ASIC2: variants seen among roughly 807,000 people sequenced by gnomAD.
The protein encoded by ASIC2 is acid sensing ion channel subunit 2.
In ASIC2, 25 loss-of-function variants were observed where a neutral mutation model predicts 57.3. The ratio of observed to expected loss-of-function variants is 0.44; its 90% CI spans 0.32 to 0.61. The LOEUF (loss-of-function observed/expected upper bound fraction) is 0.61. ASIC2 is among the 20% of genes least tolerant of loss of function. The pLI, the probability that ASIC2 is intolerant of heterozygous loss-of-function variation, is 0.06. For synonymous variants in ASIC2, 319 were observed against 307.5 expected, an observed-to-expected ratio of 1.04 and a Z score of -0.39; for missense variants, 641 against 738.1, an observed-to-expected ratio of 0.87 and a Z score of 1.52.
At chr17:33,230,482 C>A (rs1044802240) in intron 1 of ASIC2, among the ~76,000 whole-genome samples, 2 of 152,216 alleles carry the variant, frequency 1.3e-5, no homozygotes, top group African/African-American at 4.8e-5. Context: ...GCTGCAGAAC[C>A]AGAGGCAAGT....
At chr17:33,167,502 G>A (rs754739998) in intron 1 of ASIC2, among the ~76,000 whole-genome samples, 7 of 151,590 alleles carry the variant, frequency 4.6e-5, no homozygotes, top group Admixed American at 2.0e-4. Flanking sequence ...CCCCCCACCC[G>A]GTTCCCTTCT....
chr17:33,873,675 AG>A (rs1398887047), intron 1 of ASIC2, among the ~76,000 whole-genome samples: 1 of 152,228 alleles, frequency 6.6e-6, no homozygotes, highest in Non-Finnish European at 1.5e-5. Context: ...CATGTACAAA[AG>A]CACCCAATGC....
chr17:33,176,977 A>G (rs17248602), intron 1 of ASIC2, among the ~76,000 whole-genome samples: 2,817 of 152,304 alleles, frequency 0.018, 79 homozygotes, highest in East Asian at 0.11. Context: ...TGACCTGGTC[A>G]ATGCTGAATT....
chr17:33,840,163 C>T (rs1040623209), intron 1 of ASIC2, among the ~76,000 whole-genome samples: 2 of 152,118 alleles, frequency 1.3e-5, no homozygotes, highest in African/African-American at 4.8e-5. Context: ...CTCAGTTGGA[C>T]ACTAGAAATA....
chr17:33,043,920 A>C (rs1478768336), intron 3 of ASIC2, among the ~76,000 whole-genome samples: 1 of 152,224 alleles, frequency 6.6e-6, no homozygotes, highest in Non-Finnish European at 1.5e-5. Context: ...TTTGATGAGC[A>C]ACAAAAATCA....
chr17:33,521,474 G>A (rs1448712103), intron 1 of ASIC2, among the ~76,000 whole-genome samples: 2 of 152,122 alleles, frequency 1.3e-5, no homozygotes, highest in African/African-American at 2.4e-5. Context: ...TGCGGCCAAC[G>A]CCCCCGAAGT....
chr17:34,078,581 A>C (rs1325016969), intron 1 of ASIC2, among the ~76,000 whole-genome samples: 1 of 152,094 alleles, frequency 6.6e-6, no homozygotes, highest in Non-Finnish European at 1.5e-5. Flanking sequence ...CTGGGAGACA[A>C]TCTAGAAGCA....
chr17:33,474,045 A>G (rs1913138357), intron 1 of ASIC2, among the ~76,000 whole-genome samples: 1 of 152,224 alleles, frequency 6.6e-6, no homozygotes, highest in African/African-American at 2.4e-5. Flanking sequence ...GGAGGACAGG[A>G]CTTTGAGTCA....
At chr17:34,083,972 T>A (rs1040383390) in intron 1 of ASIC2, among the ~76,000 whole-genome samples, 8 of 152,214 alleles carry the variant, frequency 5.3e-5, no homozygotes, top group Admixed American at 2.6e-4. Context: ...TTCTGTAGGT[T>A]GCCTGTTCAC....
chr17:33,538,846 A>C (rs538027769), intron 1 of ASIC2, among the ~76,000 whole-genome samples: 1 of 152,328 alleles, frequency 6.6e-6, no homozygotes, highest in Middle Eastern at 3.4e-3. Context: ...TAGATTTAGA[A>C]ATAGAACAGT....
intron 1 of ASIC2, among the ~76,000 whole-genome samples, chr17:34,131,985 A>G (rs945523084): frequency 3.3e-5 from 5 of 152,122 alleles, no homozygotes; most frequent in Non-Finnish European, 5.9e-5. Flanking sequence ...TTTTGTGACA[A>G]TTGTAGGTGC....
intron 1 of ASIC2, among the ~76,000 whole-genome samples, chr17:34,065,149 G>A (rs1276438683): frequency 2.0e-5 from 3 of 152,138 alleles, no homozygotes; most frequent in Non-Finnish European, 2.9e-5. Flanking sequence ...AACAAAGACT[G>A]GATAAAGAAA....
intron 1 of ASIC2, among the ~76,000 whole-genome samples, chr17:34,016,850 T>G (rs1282060269): frequency 1.3e-5 from 2 of 152,214 alleles, no homozygotes; most frequent in African/African-American, 4.8e-5. Flanking sequence ...TCAACAACAA[T>G]TGTAAGTGCT....
intron 1 of ASIC2, among the ~76,000 whole-genome samples, chr17:33,189,651 C>G (rs1316659559): frequency 1.3e-5 from 2 of 152,058 alleles, no homozygotes; most frequent in Non-Finnish European, 2.9e-5. Context: ...TTGTTAATAT[C>G]AGACGAAGTA....
intron 1 of ASIC2, among the ~76,000 whole-genome samples, chr17:33,486,286 G>A (rs1276505307): frequency 6.6e-6 from 1 of 152,190 alleles, no homozygotes; most frequent in East Asian, 1.9e-4. Context: ...CCTATTTTAT[G>A]TATAGATGCC....
intron 1 of ASIC2, among the ~76,000 whole-genome samples, chr17:33,433,203 T>A (rs983364279): frequency 1.3e-5 from 2 of 152,106 alleles, no homozygotes; most frequent in African/African-American, 4.8e-5. Context: ...ATATATACCA[T>A]GGAATATTAT....
At chr17:34,042,373 A>G (rs2142046850) in intron 1 of ASIC2, among the ~76,000 whole-genome samples, 1 of 152,328 alleles carries the variant, frequency 6.6e-6, no homozygotes, top group South Asian at 2.1e-4. Flanking sequence ...CTCAACAATA[A>G]AAAAGAACAA....
intron 1 of ASIC2, among the ~76,000 whole-genome samples, chr17:33,660,483 T>G (rs986919428): frequency 6.6e-6 from 1 of 152,218 alleles, no homozygotes; most frequent in Non-Finnish European, 1.5e-5. Context: ...TTTTACTTTT[T>G]AAGGATTTTT....
chr17:33,032,048 T>C (rs1162657244), intron 3 of ASIC2, among the ~76,000 whole-genome samples: 1 of 152,234 alleles, frequency 6.6e-6, no homozygotes, highest in East Asian at 1.9e-4. Flanking sequence ...GTGTTGTATC[T>C]TATCCTGTCT....
Sources: gnomAD v4.1 joint callset for allele counts (sites outside exome capture counted in the v4.1 genomes callset) on GRCh38, gnomAD v4.1.1 for gene constraint, MANE v1.5 for transcripts, NCBI Gene and HGNC (gene_info 2026-07-23, HGNC 2026-07-21) for gene names.